PSMD1: variants seen among roughly 807,000 people sequenced by gnomAD.
The protein encoded by PSMD1 is 26S proteasome non-ATPase regulatory subunit 1.
PSMD1 carries 18 observed loss-of-function variants against 119.0 expected under a neutral mutation model. That is an observed-to-expected ratio of 0.15 (90% confidence interval 0.10 to 0.22). The LOEUF (loss-of-function observed/expected upper bound fraction) is 0.22, where lower values mean the gene tolerates loss of function less well. Ranked by LOEUF, PSMD1 falls within the 10% of genes least tolerant of loss-of-function variation. The pLI is 1.00. For synonymous variants in PSMD1, 374 were observed against 396.6 expected (o/e 0.94, Z 0.68); for missense variants, 702 against 1,158.5 (o/e 0.61, Z 5.72).
intron 7 of PSMD1, 90 bp from the exon 8 acceptor site, chr2:231,075,421 C>A: frequency 3.4e-6 from 4 of 1,191,212 alleles, no homozygotes; most frequent in Non-Finnish European, 4.8e-6. Context: ...TATTTTCTTG[C>A]AAAATATTCA....
intron 16 of PSMD1, among the ~76,000 whole-genome samples, chr2:231,104,283 A>G (rs923506709): frequency 1.3e-5 from 2 of 152,124 alleles, no homozygotes; most frequent in African/African-American, 4.8e-5. Flanking sequence ...TATTTCCTGT[A>G]GCTAACACAG....
intron 16 of PSMD1, among the ~76,000 whole-genome samples, chr2:231,130,464 G>A (rs568965679): frequency 1.3e-5 from 2 of 152,030 alleles, no homozygotes; most frequent in Non-Finnish European, 2.9e-5. Flanking sequence ...TTCTAAATAC[G>A]TTGTTTTGTT....
In PSMD1 at chr2:231,083,759, A is replaced by G; in HGVS notation, c.1718A>G (p.Asp573Gly). The G allele has an allele frequency of 6.2e-7, 1 of 1,614,126 alleles. No homozygotes were observed. The highest frequency in any genetic ancestry group is 8.5e-7 in the Non-Finnish European group (1 of 1,179,986). ...ADALIESLCR[D>G]KDPILRRSGM... ...GCTCTCATTGAATCTCTCTGTCGTG[A>G]CAAGGTGAGATCACATACGTCCCTC... The change falls in exon 14 of 25, where the codon GAC becomes GGC. Residue 573 changes from aspartate (D) to glycine (G), a missense_variant. By Grantham distance (94) the Asp-to-Gly change is moderately conservative. This residue lies in a region of PSMD1 where 272 missense variants were observed against 511.6 expected (regional missense o/e 0.53). Coordinates refer to ENST00000308696, the MANE Select transcript of PSMD1 (RefSeq NM_002807.4).
chr2:231,070,105 A>C lies in PSMD1; in HGVS notation c.591A>C (p.Val197=). The change falls in exon 6 of 25, where the codon GTA becomes GTC. Residue 197 remains valine, a synonymous_variant. Coordinates refer to ENST00000308696, the MANE Select transcript of PSMD1 (RefSeq NM_002807.4). ...AGAATAAACAGTTTCGGAATAAAGT[A>C]CTAAGAGTTCTAGTTAAAATCTACA... ...LMQNKQFRNK[V]LRVLVKIYMN... is the part of the protein sequence containing the mutation. 6.3e-7 allele frequency: 1 copy of C among 1,579,164 alleles called. No homozygotes were observed. The highest frequency in any genetic ancestry group is 1.2e-5 in the South Asian group (1 of 84,712).
At chr2:231,155,122 C>G (rs1274622667) in intron 19 of PSMD1, among the ~76,000 whole-genome samples, 2 of 152,150 alleles carry the variant, frequency 1.3e-5, no homozygotes, top group East Asian at 3.8e-4. Flanking sequence ...CTATGTGATT[C>G]TTTTTCTTGA....
At chr2:231,080,376 C>T in intron 12 of PSMD1, 62 bp downstream of exon 12, 2 of 1,349,640 alleles carry the variant, frequency 1.5e-6, no homozygotes, top group Non-Finnish European at 2.0e-6. Context: ...ACATATTTGC[C>T]ACATTATTTT....
At chr2:231,102,032 C>T (rs930578934) in intron 16 of PSMD1, among the ~76,000 whole-genome samples, 3 of 152,152 alleles carry the variant, frequency 2.0e-5, no homozygotes, top group Admixed American at 2.0e-4. Context: ...GTTGCCCAGG[C>T]TCATCTTGAC....
intron 17 of PSMD1, among the ~76,000 whole-genome samples, chr2:231,140,047 G>C (rs1696067331): frequency 6.6e-6 from 1 of 152,292 alleles, no homozygotes; most frequent in South Asian, 2.1e-4. Flanking sequence ...CTGAGAGCAA[G>C]GCTTTGCTCC....
intron 7 of PSMD1, among the ~76,000 whole-genome samples, chr2:231,074,250 C>T (rs780510265): frequency 2.5e-4 from 38 of 152,158 alleles, no homozygotes; most frequent in African/African-American, 8.2e-4. Context: ...GGGCTACAGG[C>T]GCAGGCTATC....
chr2:231,156,159 G>A (rs1172220240), intron 19 of PSMD1, among the ~76,000 whole-genome samples: 1 of 151,960 alleles, frequency 6.6e-6, no homozygotes, highest in African/African-American at 2.4e-5. Context: ...CACTTAATTG[G>A]CTGGATTTTA....
chr2:231,072,159 T>C (rs1282462234), intron 6 of PSMD1, 30 bp from the exon 7 acceptor site: 3 of 1,547,106 alleles, frequency 1.9e-6, no homozygotes, highest in Non-Finnish European at 1.8e-6. Flanking sequence ...TTTTTAATTA[T>C]TGAATAATTG....
At chr2:231,078,588 C>CTG (rs1694223686) in intron 9 of PSMD1, 71 bp from the exon 10 acceptor site, 2 of 1,078,330 alleles carry the variant, frequency 1.9e-6, no homozygotes, top group South Asian at 1.7e-5. Context: ...GGACCTCTGA[C>CTG]TGTGTGTGTG....
rs764041433 is a variant in PSMD1 at position 231,062,619 on chromosome 2, G to C, written c.248G>C (p.Gly83Ala). Reference protein sequence around the residue: ...AFEESLNYALGAGDLFNVNDN... With the variant: ...AFEESLNYALAAGDLFNVNDN... ...GAGGAGTCTCTGAATTATGCTCTTG[G>C]AGCAGGGGACCTCTTCAATGTCAAT... Residue 83 changes from glycine (G) to alanine (A), a missense_variant, in exon 4 of 25, where the codon GGA becomes GCA. Gly to Ala is a moderately conservative substitution (Grantham distance 60). Transcript: ENST00000308696. The C allele has an allele frequency of 6.2e-7, 1 of 1,613,240 alleles. No individual in the cohort carries two copies. The highest frequency in any genetic ancestry group is 8.5e-7 in the Non-Finnish European group (1 of 1,179,724).
intron 16 of PSMD1, among the ~76,000 whole-genome samples, chr2:231,095,865 G>T (rs917402482): frequency 6.6e-6 from 1 of 152,200 alleles, no homozygotes; most frequent in African/African-American, 2.4e-5. Flanking sequence ...TGGGAATGAC[G>T]AAAATGGGTG....
chr2:231,137,082 ATTTATATATTATAT>A (rs1443522072), intron 16 of PSMD1, among the ~76,000 whole-genome samples: 9 of 145,506 alleles, frequency 6.2e-5, no homozygotes, highest in East Asian at 3.9e-4. Flanking sequence ...TATAATATAT[ATTTATATATTATAT>A]TTTATATATT....
chr2:231,108,413 T>C (rs1216865434), intron 16 of PSMD1: 1 of 810,256 alleles, frequency 1.2e-6, no homozygotes, highest in Non-Finnish European at 2.0e-6. Context: ...AAAGAGATGA[T>C]TTGATATATG....
chr2:231,141,784 A>G (rs1408446480), intron 17 of PSMD1, among the ~76,000 whole-genome samples: 1 of 152,202 alleles, frequency 6.6e-6, no homozygotes, highest in Non-Finnish European at 1.5e-5. Context: ...ATGGATGGCA[A>G]GATCATTAAA....
chr2:231,146,482 G>T, intron 18 of PSMD1, 126 bp downstream of exon 18: 1 of 669,322 alleles, frequency 1.5e-6, no homozygotes. Flanking sequence ...AAAGTAAAGA[G>T]AGCATTTTAG....
chr2:231,165,358 T>C (rs2125271011), intron 22 of PSMD1, 72 bp downstream of exon 22: 1 of 1,435,166 alleles, frequency 7.0e-7, no homozygotes, highest in Non-Finnish European at 9.3e-7. Flanking sequence ...CTTCCTTAGT[T>C]GAATATTATT....
Sources: gnomAD v4.1 joint callset for allele counts (sites outside exome capture counted in the v4.1 genomes callset) on GRCh38, gnomAD v4.1.1 for gene constraint, gnomAD v4.1.1 regional missense constraint, MANE v1.5 for transcripts, NCBI Gene and HGNC (gene_info 2026-07-23, HGNC 2026-07-21) for gene names.